ZNF385D: variants seen among roughly 807,000 people sequenced by gnomAD.
ZNF385D encodes zinc finger protein 385D, also known as zinc finger protein 659.
Under a neutral mutation model 35.8 loss-of-function variants are expected in ZNF385D, and 15 were observed. The observed-to-expected ratio is 0.42, with a 90% CI of 0.28 to 0.64. The LOEUF (loss-of-function observed/expected upper bound fraction) is 0.64. Ranked by LOEUF, ZNF385D falls within the 30% of genes least tolerant of loss-of-function variation. The pLI is 0.23. For synonymous variants in ZNF385D, 212 were observed against 186.8 expected, an observed-to-expected ratio of 1.13 and a Z score of -1.10; for missense variants, 474 against 494.6, an observed-to-expected ratio of 0.96 and a Z score of 0.39.
intron 3 of ZNF385D, among the ~76,000 whole-genome samples, chr3:22,003,402 A>C (rs1695982834): frequency 6.6e-6 from 1 of 152,214 alleles, no homozygotes; most frequent in South Asian, 2.1e-4. Flanking sequence ...AAAGCAGCAA[A>C]ACACTCATGA....
chr3:22,000,429 A>G (rs1287264592), intron 3 of ZNF385D, among the ~76,000 whole-genome samples: 3 of 152,198 alleles, frequency 2.0e-5, no homozygotes, highest in East Asian at 1.9e-4. Context: ...AATGTCAGGA[A>G]GTTACCCTAT....
chr3:21,985,692 A>C lies in ZNF385D; in HGVS notation c.325+183125T>G, dbSNP rs1439571120. The stretch of plus-strand genomic sequence containing the variant: ...TGATGCTGGCCTCATAAAATGAGTT[A>C]GGGAGGATTCCCTCTTTTTCTATTG... On this transcript the variant is annotated intron_variant, in intron 3 of 5. Transcript: ENST00000494108. 4.3e-5 allele frequency among the ~76,000 whole-genome samples: 6 copies of C among 140,384 alleles called. No individual in the cohort carries two copies. The East Asian group carries it at 1.0e-3, about 24-fold the overall frequency. The allele number at this position is 140,384 out of a possible 152,430, so 92.1% of individuals were successfully genotyped here.
At chr3:21,841,340 A>G (rs1395013838) in intron 3 of ZNF385D, among the ~76,000 whole-genome samples, 1 of 152,030 alleles carries the variant, frequency 6.6e-6, no homozygotes, top group Admixed American at 6.6e-5. Context: ...GTGTTGCTAT[A>G]AATATCCATT....
intron 3 of ZNF385D, among the ~76,000 whole-genome samples, chr3:22,042,836 G>GAC (rs1698750312): frequency 6.6e-6 from 1 of 152,156 alleles, no homozygotes; most frequent in Non-Finnish European, 1.5e-5. Context: ...CGACGTGTTT[G>GAC]GTTGTCTTTG....
intron 1 of ZNF385D, among the ~76,000 whole-genome samples, chr3:21,697,314 A>C (rs749797141): frequency 6.6e-6 from 1 of 152,212 alleles, no homozygotes; most frequent in Non-Finnish European, 1.5e-5. Context: ...GCATATAATC[A>C]CATGAAAAAA....
At chr3:22,093,903 C>T (rs1641514545) in intron 3 of ZNF385D, among the ~76,000 whole-genome samples, 1 of 152,030 alleles carries the variant, frequency 6.6e-6, no homozygotes, top group South Asian at 2.1e-4. Context: ...TAAATGAAGA[C>T]ATCAATATAT....
intron 3 of ZNF385D, among the ~76,000 whole-genome samples, chr3:21,869,650 G>GA (rs1304054567): frequency 6.6e-6 from 1 of 151,936 alleles, no homozygotes; most frequent in Non-Finnish European, 1.5e-5. Flanking sequence ...AACTCTAAGA[G>GA]AAAAAATAGC....
chr3:22,099,366 C>A (rs775316517), intron 3 of ZNF385D, among the ~76,000 whole-genome samples: 8 of 151,996 alleles, frequency 5.3e-5, no homozygotes, highest in Non-Finnish European at 8.8e-5. Context: ...GGGAGCAGAC[C>A]AGGTATGGAT....
At chr3:21,429,600 CTA>C (rs1410120927) in intron 5 of ZNF385D, among the ~76,000 whole-genome samples, 1 of 151,980 alleles carries the variant, frequency 6.6e-6, no homozygotes, top group Non-Finnish European at 1.5e-5. Context: ...AAGAATATAA[CTA>C]TTTTTAAGTC....
At chr3:22,207,738 C>T (rs1035253023) in intron 2 of ZNF385D, among the ~76,000 whole-genome samples, 1 of 151,840 alleles carries the variant, frequency 6.6e-6, no homozygotes, top group African/African-American at 2.4e-5. Flanking sequence ...TCAAACAACT[C>T]TACAGGAATA....
At chr3:22,134,500 A>G (rs1010684332) in intron 3 of ZNF385D, 5 of 152,188 alleles carry the variant, frequency 3.3e-5, no homozygotes, top group Admixed American at 2.0e-4. Context: ...AACATCGTCA[A>G]CCAACAAAAT....
chr3:21,462,174 C>A (rs1319787802), intron 4 of ZNF385D, among the ~76,000 whole-genome samples: 1 of 152,120 alleles, frequency 6.6e-6, no homozygotes. Flanking sequence ...GTATGCAAAA[C>A]TAAACACTAC....
chr3:21,581,134 T>G (rs759437231), intron 2 of ZNF385D, among the ~76,000 whole-genome samples: 11 of 152,152 alleles, frequency 7.2e-5, no homozygotes, highest in Non-Finnish European at 1.5e-4. Context: ...GGTCTACATT[T>G]CTCCATTCAT....
chr3:22,046,964 T>C (rs1187080018), intron 3 of ZNF385D, among the ~76,000 whole-genome samples: 4 of 152,176 alleles, frequency 2.6e-5, no homozygotes, highest in Middle Eastern at 3.2e-3. Flanking sequence ...GATTAGATTA[T>C]ATCTAATTTG....
In ZNF385D at chr3:21,646,885, G is replaced by C. The variant is rs1384525762; in HGVS notation, c.165+18001C>G. On this transcript the variant is annotated intron_variant, in intron 2 of 7. Coordinates refer to ENST00000281523, the MANE Select transcript of ZNF385D (RefSeq NM_024697.3). The surrounding 1 kb of genome is among the most constrained non-coding windows in gnomAD (Gnocchi z 4.3). ...CAGCCCCTCTCTGTCTGATGCTAAG[G>C]CTCAATGAAATCAAGGCCAGACAGA... Among the ~76,000 whole-genome samples the C allele has an allele frequency of 6.6e-6, 1 of 152,130 alleles. No homozygotes were observed. Among genetic ancestry groups the C allele is most frequent in the Admixed American group, 6.5e-5 (1 of 15,278 alleles).
At chr3:22,202,646 G>T (rs1412537968) in intron 2 of ZNF385D, among the ~76,000 whole-genome samples, 1 of 152,124 alleles carries the variant, frequency 6.6e-6, no homozygotes, top group Non-Finnish European at 1.5e-5. Flanking sequence ...AAGAGGAACT[G>T]AAGAGGATAG....
intron 1 of ZNF385D, among the ~76,000 whole-genome samples, chr3:21,724,187 C>G (rs902612169): frequency 1.3e-5 from 2 of 152,058 alleles, no homozygotes; most frequent in Admixed American, 6.5e-5. Context: ...GTACCAGCCA[C>G]TGCAAAAACA....
intron 2 of ZNF385D, among the ~76,000 whole-genome samples, chr3:21,661,398 C>T (rs1247013259): frequency 6.6e-6 from 1 of 152,156 alleles, no homozygotes; most frequent in African/African-American, 2.4e-5. Flanking sequence ...GAGGTCATAA[C>T]ATAATCTGTT....
chr3:21,861,782 A>G (rs1157806675), intron 3 of ZNF385D, among the ~76,000 whole-genome samples: 4 of 152,110 alleles, frequency 2.6e-5, no homozygotes, highest in Non-Finnish European at 5.9e-5. Context: ...AATCAGGGCA[A>G]TTTCATCTCT....
Sources: allele counts gnomAD v4.1 joint callset (sites outside exome capture counted in the v4.1 genomes callset), GRCh38; gene constraint gnomAD v4.1.1; non-coding constraint Gnocchi (gnomAD v3.1); transcripts MANE v1.5; gene names NCBI Gene and HGNC (gene_info 2026-07-23, HGNC 2026-07-21).